The following INPP5D variants were observed in gnomAD, a reference collection of about 807,000 sequenced individuals.
INPP5D encodes the protein phosphatidylinositol 3,4,5-trisphosphate 5-phosphatase 1.
Under a neutral mutation model 122.9 loss-of-function variants are expected in INPP5D, and 33 were observed. The observed-to-expected ratio is 0.27, with a 90% CI of 0.20 to 0.36. The LOEUF is 0.36. INPP5D is among the 10% of genes least tolerant of loss of function. The pLI is 1.00. For synonymous variants in INPP5D, 584 were observed against 576.2 expected (o/e 1.01, Z -0.19); for missense variants, 1,053 against 1,412.7 (o/e 0.75, Z 4.08).
intron 6 of INPP5D, chr2:233,145,859 A>C: frequency 7.3e-6 from 4 of 546,814 alleles, no homozygotes; most frequent in Non-Finnish European, 1.0e-5. Flanking sequence ...GGAGGGAGGA[A>C]AGGTAACATG....
rs1559309080 is a variant in INPP5D at position 233,130,502 on chromosome 2, C to T, written c.525-6C>T. ...GCATAGTTTGTTTCTTTTTTCTTTT[C>T]TTTAGGCTTCCAGAAGAGCATCTTA... On this transcript the variant is annotated splice_polypyrimidine_tract_variant and splice_region_variant and intron_variant, in intron 4 of 26. Transcript: ENST00000445964. 4 of 1,609,428 alleles carry T rather than the reference C, an allele frequency of 2.5e-6. No individual in the cohort carries two copies. Among genetic ancestry groups the T allele is most frequent in the Admixed American group, 1.7e-5 (1 of 58,366 alleles).
intron 23 of INPP5D, among the ~76,000 whole-genome samples, chr2:233,195,097 GTTTAT>G (rs1695148676): frequency 6.6e-6 from 1 of 152,140 alleles, no homozygotes; most frequent in African/African-American, 2.4e-5. Context: ...CACCTGGCCT[GTTTAT>G]TTTAATCTGA....
chr2:233,067,702 T>G (rs943269285), intron 1 of INPP5D, among the ~76,000 whole-genome samples: 1 of 152,202 alleles, frequency 6.6e-6, no homozygotes, highest in African/African-American at 2.4e-5. Context: ...CACTTGTTAT[T>G]ATCTTTTTTA....
At chr2:233,142,070 G>C (rs987445018) in intron 6 of INPP5D, among the ~76,000 whole-genome samples, 1 of 152,246 alleles carries the variant, frequency 6.6e-6, no homozygotes, top group Admixed American at 6.5e-5. Flanking sequence ...ACACAGTCAA[G>C]TCTTTGAAGT....
At chr2:233,060,909 G>C (rs1434394797) in intron 1 of INPP5D, among the ~76,000 whole-genome samples, 3 of 152,166 alleles carry the variant, frequency 2.0e-5, no homozygotes, top group African/African-American at 7.2e-5. Context: ...GGGAGTTTGG[G>C]CTTTTGGAGC....
chr2:233,102,238 G>C (rs928022604), intron 2 of INPP5D, among the ~76,000 whole-genome samples: 2 of 152,160 alleles, frequency 1.3e-5, no homozygotes, highest in African/African-American at 4.8e-5. Context: ...TTTCATCTAG[G>C]AATCTGGACT....
intron 2 of INPP5D, among the ~76,000 whole-genome samples, chr2:233,091,708 C>T (rs35481789): frequency 0.33 from 49,745 of 152,078 alleles, 8,456 homozygotes; most frequent in African/African-American, 0.41. Flanking sequence ...TTATCTCCCT[C>T]AGGCCATGGT....
intron 26 of INPP5D, chr2:233,205,032 A>G (rs1695456713): frequency 2.9e-6 from 1 of 342,964 alleles, no homozygotes; most frequent in Non-Finnish European, 5.2e-6. Context: ...TCCCAGAGGA[A>G]GAAGATTCCA....
rs1484772704 is a variant in INPP5D, at chr2:233,206,598, G to A, written c.3568-108G>A. 9 of 688,852 alleles carry A rather than the reference G, an allele frequency of 1.3e-5. No homozygotes were observed. In the East Asian group the frequency reaches 1.9e-4, roughly 15 times the overall value. The allele number at this position is 688,852 out of a possible 1,614,324, so 42.7% of individuals were successfully genotyped here. On this transcript the variant is annotated intron_variant, in intron 26 of 26. Coordinates refer to ENST00000445964, the MANE Select transcript of INPP5D (RefSeq NM_001017915.3). This position sits in a 1 kb window ranked among gnomAD's most constrained non-coding sequence, Gnocchi z 4.0. ...GAGTGCTGGCTCTTCTCAGCTACAC[G>A]TTAAAGGAAGCCTGGCCTAGCCCAC... is the stretch of plus-strand genomic sequence containing the variant.
At chr2:233,122,920 T>C (rs551445693) in intron 3 of INPP5D, among the ~76,000 whole-genome samples, 123 of 152,328 alleles carry the variant, frequency 8.1e-4, no homozygotes, top group Non-Finnish European at 4.6e-4. Flanking sequence ...CTGCCTCTCA[T>C]GGTATCTCAA....
intron 2 of INPP5D, among the ~76,000 whole-genome samples, chr2:233,102,607 G>C (rs1441654006): frequency 6.6e-6 from 1 of 151,490 alleles, no homozygotes; most frequent in African/African-American, 2.4e-5. Context: ...CCAGCACTTT[G>C]AGAGGCCGAG....
At position 233,204,319 on chromosome 2, in the gene INPP5D, T is replaced by TCGC; in HGVS notation, c.3171_3173dup (p.Pro1058dup). 1 of 1,611,478 alleles carries TCGC rather than the reference T, an allele frequency of 6.2e-7. No homozygotes were observed. Among genetic ancestry groups the TCGC allele is most frequent in the Non-Finnish European group, 8.5e-7 (1 of 1,179,106 alleles). Reference sequence around the variant, plus strand: ...GCCCTGCCCGGAACCCGGCATCTTGTCGCCCAGCATCGTGCTCACCAAAGC... The same window carrying TCGC: ...GCCCTGCCCGGAACCCGGCATCTTGTCGCCGCCCAGCATCGTGCTCACCAAAGC... On this transcript the variant is annotated inframe_insertion, in exon 26 of 27. Coordinates refer to ENST00000445964, the MANE Select transcript of INPP5D (RefSeq NM_001017915.3).
At chr2:233,155,448 C>A (rs892598770) in intron 9 of INPP5D, among the ~76,000 whole-genome samples, 1 of 151,966 alleles carries the variant, frequency 6.6e-6, no homozygotes, top group African/African-American at 2.4e-5. Context: ...CATGGTAAAA[C>A]CCCACCTCTA....
chr2:233,067,507 A>G (rs980420528), intron 1 of INPP5D, among the ~76,000 whole-genome samples: 2 of 152,244 alleles, frequency 1.3e-5, no homozygotes, highest in Non-Finnish European at 2.9e-5. Flanking sequence ...ATGAACATTC[A>G]TATACAAGGT....
rs1311430949 is a variant in INPP5D, at chr2:233,145,801, G to A, written c.754-361G>A. Reference sequence around the variant, plus strand: ...CTGTACTGGGGTTTCAAGCAGCAGGGCTGGGTCTATTTTGGAAGTAGGACG... The same window carrying A: ...CTGTACTGGGGTTTCAAGCAGCAGGACTGGGTCTATTTTGGAAGTAGGACG... On this transcript the variant is annotated intron_variant, in intron 6 of 26. Coordinates refer to ENST00000445964, the MANE Select transcript of INPP5D (RefSeq NM_001017915.3). 2.6e-5 allele frequency among the ~76,000 whole-genome samples: 4 copies of A among 152,112 alleles called. No individual in the cohort carries two copies. The South Asian group carries it at 8.3e-4, about 32-fold the overall frequency.
chr2:233,207,437 G>C lies in INPP5D; in HGVS notation c.*729G>C, dbSNP rs1004303952. 10 of 152,502 alleles carry C rather than the reference G, an allele frequency of 6.6e-5. No homozygotes were observed. Among genetic ancestry groups the C allele is most frequent in the Admixed American group, 1.3e-4 (2 of 15,290 alleles). The allele number at this position is 152,502 out of a possible 1,614,324, so 9.4% of individuals were successfully genotyped here. A position where few individuals can be genotyped will look rare whatever the true frequency, so the allele number is the denominator to read the frequency against. ...CTTCTCAGTTCTTTGGTTGGAAGGAGCAGGAAATCAGCTCCTATTCTCCAG... is the reference window on the plus strand; with the variant it reads ...CTTCTCAGTTCTTTGGTTGGAAGGACCAGGAAATCAGCTCCTATTCTCCAG... On this transcript the variant is annotated 3_prime_UTR_variant, in exon 27 of 27. Coordinates refer to ENST00000445964, the MANE Select transcript of INPP5D (RefSeq NM_001017915.3). The surrounding 1 kb of genome is among the most constrained non-coding windows in gnomAD (Gnocchi z 4.6).
At chr2:233,148,715 C>T (rs1377058987) in intron 9 of INPP5D, among the ~76,000 whole-genome samples, 1 of 152,054 alleles carries the variant, frequency 6.6e-6, no homozygotes, top group African/African-American at 2.4e-5. Flanking sequence ...TCTGGGTGGC[C>T]AATGGGTTCC....
At chr2:233,114,582 C>T (rs906927540) in intron 2 of INPP5D, among the ~76,000 whole-genome samples, 1 of 152,234 alleles carries the variant, frequency 6.6e-6, no homozygotes, top group African/African-American at 2.4e-5. Context: ...AGACTCCACA[C>T]TGATCCTCAC....
Position 233,134,566 on chromosome 2 carries a change from G to A in INPP5D, c.665+3918G>A, listed in dbSNP as rs1052740957. 5.9e-5 allele frequency among the ~76,000 whole-genome samples: 9 copies of A among 152,286 alleles called. No homozygotes were observed. The South Asian group carries it at 6.2e-4, about 11-fold the overall frequency. Reference sequence around the variant, plus strand: ...GACGATGTCCCCGTGCGGGTCTGGCGTGAAGATCTCTTTGCAGTACAAAGC... The same window carrying A: ...GACGATGTCCCCGTGCGGGTCTGGCATGAAGATCTCTTTGCAGTACAAAGC... On this transcript the variant is annotated intron_variant, in intron 5 of 26. Transcript: ENST00000445964.
Sources: gnomAD v4.1 joint callset for allele counts (sites outside exome capture counted in the v4.1 genomes callset) on GRCh38, gnomAD v4.1.1 for gene constraint, Gnocchi (gnomAD v3.1) non-coding constraint, MANE v1.5 for transcripts, NCBI Gene and HGNC (gene_info 2026-07-23, HGNC 2026-07-21) for gene names.